SDC2: variants seen among roughly 807,000 people sequenced by gnomAD.
The protein encoded by SDC2 is syndecan-2.
A neutral mutation model predicts 22.2 loss-of-function variants in SDC2; 13 were observed. That is an observed-to-expected ratio of 0.59 (90% CI 0.38 to 0.93). The LOEUF is 0.93. SDC2 is among the 40% of genes least tolerant of loss of function. SDC2 has a pLI of 0.00. For missense variants in SDC2, 235 were observed against 246.8 expected (o/e 0.95, Z 0.32); for synonymous variants, 94 against 92.8 (o/e 1.01, Z -0.07).
rs1173196477 is a variant in SDC2, at chr8:96,540,161, GA to G, written c.60+45840del. 8.5e-4 allele frequency among the ~76,000 whole-genome samples: 125 copies of G among 147,850 alleles called. 1 individual carries two copies. The highest frequency in any genetic ancestry group is 2.8e-3 in the African/African-American group (112 of 39,968). On this transcript the variant is annotated intron_variant, in intron 1 of 4. Transcript: ENST00000302190. ...AGAATCTCAAGGAGGGGAGAAGAAA[GA>G]AAAAAAAAAGCCCCCCCGCCCCGCC...
At chr8:96,496,903 G>A (rs1813085553) in intron 1 of SDC2, among the ~76,000 whole-genome samples, 3 of 152,180 alleles carry the variant, frequency 2.0e-5, no homozygotes, top group Admixed American at 6.5e-5. Flanking sequence ...CTTTCCACTG[G>A]CAGGTTAGGA....
At chr8:96,532,167 AGAAAT>A (rs1265900002) in intron 1 of SDC2, among the ~76,000 whole-genome samples, 3 of 152,234 alleles carry the variant, frequency 2.0e-5, no homozygotes, top group Non-Finnish European at 4.4e-5. Context: ...CAGTGCACAC[AGAAAT>A]AAATATGATA....
chr8:96,574,967 A>G (rs1005935435), intron 1 of SDC2, among the ~76,000 whole-genome samples: 2 of 152,082 alleles, frequency 1.3e-5, no homozygotes, highest in Admixed American at 6.5e-5. Context: ...GGAGCGTGCA[A>G]CCTAGATCCC....
chr8:96,588,180 A>C (rs1373096546), intron 1 of SDC2, among the ~76,000 whole-genome samples: 3 of 152,198 alleles, frequency 2.0e-5, no homozygotes, highest in Non-Finnish European at 4.4e-5. Context: ...TTTGGCCACC[A>C]GCTAGACCAG....
chr8:96,552,679 T>G (rs1814046450), intron 1 of SDC2, among the ~76,000 whole-genome samples: 1 of 152,232 alleles, frequency 6.6e-6, no homozygotes, highest in African/African-American at 2.4e-5. Context: ...TTTTTGTCAC[T>G]GATTTATAGC....
intron 3 of SDC2, 133 bp downstream of exon 3, chr8:96,602,661 A>G (rs893246842): frequency 3.2e-6 from 3 of 932,918 alleles, no homozygotes; most frequent in South Asian, 2.1e-5. Flanking sequence ...TGTACACAAC[A>G]GTTCTTTTAA....
At chr8:96,535,274 C>G (rs138713919) in intron 1 of SDC2, among the ~76,000 whole-genome samples, 1 of 151,952 alleles carries the variant, frequency 6.6e-6, no homozygotes, top group Non-Finnish European at 1.5e-5. Flanking sequence ...CCCAAAGTGC[C>G]GGGATTACAG....
rs1815005308 is a variant in SDC2 at position 96,602,425 on chromosome 8, TGACAACATC to T, written c.204_212del (p.Thr69_Ser71del). ...GATGAGGATGTAGAGAGTCCAGAGCTGACAACATCTCGACCACTTCCAAAGATACTGTTG... is the reference window on the plus strand; with the variant it reads ...GATGAGGATGTAGAGAGTCCAGAGCTTCGACCACTTCCAAAGATACTGTTG... On this transcript the variant is annotated inframe_deletion, in exon 3 of 5. Coordinates refer to ENST00000302190, the MANE Select transcript of SDC2 (RefSeq NM_002998.4). 1 of 1,614,036 alleles carries T rather than the reference TGACAACATC, an allele frequency of 6.2e-7. No homozygotes were observed. The highest frequency in any genetic ancestry group is 1.3e-5 in the African/African-American group (1 of 74,932).
At chr8:96,544,286 T>C (rs1291207420) in intron 1 of SDC2, among the ~76,000 whole-genome samples, 1 of 152,188 alleles carries the variant, frequency 6.6e-6, no homozygotes, top group Non-Finnish European at 1.5e-5. Context: ...CCGGTATACC[T>C]TGATGGTGGT....
At chr8:96,541,085 AT>A in intron 1 of SDC2, among the ~76,000 whole-genome samples, 1 of 152,272 alleles carries the variant, frequency 6.6e-6, no homozygotes, top group African/African-American at 2.4e-5. Flanking sequence ...AAACAAAAAT[AT>A]TTTTTATGGA....
At chr8:96,519,150 G>C (rs1376092962) in intron 1 of SDC2, among the ~76,000 whole-genome samples, 1 of 152,142 alleles carries the variant, frequency 6.6e-6, no homozygotes, top group Non-Finnish European at 1.5e-5. Context: ...CTTGCTAGGG[G>C]AGAGAGGGGG....
chr8:96,549,205 A>G (rs1293042746), intron 1 of SDC2, among the ~76,000 whole-genome samples: 3 of 152,232 alleles, frequency 2.0e-5, no homozygotes, highest in Non-Finnish European at 4.4e-5. Flanking sequence ...GTTATTTAAA[A>G]ACAATTTTGA....
At position 96,512,754 on chromosome 8, in the gene SDC2, CTG is replaced by C. The variant is rs567637118; in HGVS notation, c.60+18425_60+18426del. On this transcript the variant is annotated intron_variant, in intron 1 of 4. Coordinates refer to ENST00000302190, the MANE Select transcript of SDC2 (RefSeq NM_002998.4). ...TGCTGAGTTTAATAAACATAGGAGA[CTG>C]TAACAGTGTACTTTTGATCTTCTGA... Among the ~76,000 whole-genome samples the C allele has an allele frequency of 1.3e-4, 20 of 152,260 alleles. No individual in the cohort carries two copies. The South Asian group carries it at 4.1e-3, about 32-fold the overall frequency.
intron 1 of SDC2, among the ~76,000 whole-genome samples, chr8:96,503,956 T>C (rs780280329): frequency 9.9e-5 from 15 of 152,090 alleles, no homozygotes; most frequent in Admixed American, 4.6e-4. Context: ...TTAAATAGAG[T>C]ATTATTAAAT....
At chr8:96,512,693 C>T (rs983555389) in intron 1 of SDC2, among the ~76,000 whole-genome samples, 7 of 152,222 alleles carry the variant, frequency 4.6e-5, no homozygotes, top group African/African-American at 1.4e-4. Context: ...AGATTATTAG[C>T]ACGTGACATA....
intron 1 of SDC2, among the ~76,000 whole-genome samples, chr8:96,550,768 T>TA (rs1814013828): frequency 6.6e-6 from 1 of 152,306 alleles, no homozygotes; most frequent in Admixed American, 6.5e-5. Context: ...AACTCACAAA[T>TA]CAAGACAGAC....
Position 96,602,529 on chromosome 8 carries a change from G to A in SDC2, c.306+1G>A, listed in dbSNP as rs1157580638. On this transcript the variant is annotated splice_donor_variant, in intron 3 of 4. Coordinates refer to ENST00000302190, the MANE Select transcript of SDC2 (RefSeq NM_002998.4). LOFTEE classifies it high-confidence loss of function. ...GAACAAGATACCTGCTCAGACAAAG[G>A]TGCGTTCTATTTTCCATTGCATTGC... The A allele has an allele frequency of 1.2e-6, 2 of 1,613,908 alleles. No individual in the cohort carries two copies. Among genetic ancestry groups the A allele is most frequent in the Non-Finnish European group, 8.5e-7 (1 of 1,179,936 alleles).
intron 1 of SDC2, among the ~76,000 whole-genome samples, chr8:96,536,226 C>T (rs1210070623): frequency 1.3e-5 from 2 of 151,790 alleles, no homozygotes; most frequent in African/African-American, 2.4e-5. Flanking sequence ...ATAGGAATAA[C>T]CAAGTGAAGG....
intron 1 of SDC2, among the ~76,000 whole-genome samples, chr8:96,583,432 C>T (rs563267798): frequency 7.7e-5 from 8 of 104,286 alleles, no homozygotes; most frequent in South Asian, 2.9e-4. Context: ...TGGATGTATT[C>T]GCTGTTAATT....
Sources: allele counts gnomAD v4.1 joint callset (sites outside exome capture counted in the v4.1 genomes callset), GRCh38; gene constraint gnomAD v4.1.1; transcripts MANE v1.5; gene names NCBI Gene and HGNC (gene_info 2026-07-23, HGNC 2026-07-21).